Variants in NHLRC2 observed in about 807,000 individuals in gnomAD.
The protein encoded by NHLRC2 is NHL repeat containing 2.
NHLRC2 carries 33 observed loss-of-function variants against 68.1 expected under a neutral mutation model. The ratio of observed to expected loss-of-function variants is 0.48; its 90% CI spans 0.37 to 0.65. NHLRC2 has a LOEUF of 0.65. Among genes scored for constraint, NHLRC2 ranks in the 30% least tolerant of loss-of-function variants. The pLI, the probability that NHLRC2 is intolerant of heterozygous loss-of-function variation, is 0.00. For synonymous variants in NHLRC2, 311 were observed against 309.6 expected (o/e 1.00, Z -0.05); for missense variants, 761 against 853.8 (o/e 0.89, Z 1.35).
rs1345444290 is a variant in NHLRC2, at chr10:113,917,102, A to G, written c.*8566A>G. 6.6e-6 allele frequency: 1 copy of G among 152,206 alleles called. No individual in the cohort carries two copies. Among genetic ancestry groups the G allele is most frequent in the East Asian group, 1.9e-4 (1 of 5,198 alleles). 9.4% of individuals were successfully genotyped at this position (152,206 alleles called of 1,614,324 possible). ...ATACAAGTGATCATAGAAGGTGAGA[A>G]TGTGTTTATACTGTATATGGAAACC... On this transcript the variant is annotated 3_prime_UTR_variant, in exon 11 of 11. Coordinates refer to ENST00000369301, the MANE Select transcript of NHLRC2 (RefSeq NM_198514.4).
At chr10:113,896,057 C>T (rs1331302324) in intron 5 of NHLRC2, among the ~76,000 whole-genome samples, 1 of 152,104 alleles carries the variant, frequency 6.6e-6, no homozygotes, top group Non-Finnish European at 1.5e-5. Flanking sequence ...AACACTTTTA[C>T]ACTGTTGGTG....
Position 113,854,743 on chromosome 10 carries a change from G to C in NHLRC2, c.-130G>C, listed in dbSNP as rs1218320144. On this transcript the variant is annotated 5_prime_UTR_variant, in exon 1 of 11. Coordinates refer to ENST00000369301, the MANE Select transcript of NHLRC2 (RefSeq NM_198514.4). ...GCTTTAAAAAGAAAAAAGTGTCATT[G>C]GCGTGGAGTGGGGCTAGTGGAGGGT... is the stretch of plus-strand genomic sequence containing the variant. 1 of 681,336 alleles carries C rather than the reference G, an allele frequency of 1.5e-6. No individual in the cohort carries two copies. The highest frequency in any genetic ancestry group is 2.4e-6 in the Non-Finnish European group (1 of 416,182). The allele number at this position is 681,336 out of a possible 1,614,324, so 42.2% of individuals were successfully genotyped here.
intron 2 of NHLRC2, among the ~76,000 whole-genome samples, chr10:113,875,060 CT>C (rs1030889277): frequency 6.6e-6 from 1 of 151,492 alleles, no homozygotes; most frequent in Non-Finnish European, 1.5e-5. Context: ...TTTTTGCCCC[CT>C]ACCTTGATAA....
chr10:113,901,819 T>C lies in NHLRC2; in HGVS notation c.1293T>C (p.Ser431=), dbSNP rs748866217. 3 of 1,614,124 alleles carry C rather than the reference T, an allele frequency of 1.9e-6. No homozygotes were observed. Among genetic ancestry groups the C allele is most frequent in the Non-Finnish European group, 2.5e-6 (3 of 1,179,998 alleles). Residue 431 remains serine (S), a synonymous_variant, in exon 7 of 11, where the codon AGT becomes AGC. Transcript: ENST00000369301. ...GGAGCTGCTTGTTTGTAGCAGATAG[T>C]GAGAGCAGTACAGTGAGAACCGTTT... ...DPWSCLFVAD[S]ESSTVRTVSL... is the part of the protein sequence containing the mutation.
At chr10:113,904,059 A>G (rs1846252186) in intron 9 of NHLRC2, among the ~76,000 whole-genome samples, 3 of 149,912 alleles carry the variant, frequency 2.0e-5, no homozygotes, top group African/African-American at 7.3e-5. Context: ...CACTACATAC[A>G]CCTGCTCTGT....
rs1472038403 is a variant in NHLRC2 at position 113,908,461 on chromosome 10, G to T, written c.2106G>T (p.Leu702Phe). The stretch of plus-strand genomic sequence containing the variant: ...GTGCTTGTATGATGAAGGCAATTTT[G>T]TTCAGTCAGCCTTTACAAATAACGG... ...DSSACMMKAILFSQPLQITDT... is the reference protein window; with the variant it reads ...DSSACMMKAIFFSQPLQITDT... The change falls in exon 11 of 11, where the codon TTG becomes TTT. Residue 702 changes from leucine (L) to phenylalanine (F), a missense_variant. Transcript: ENST00000369301. 1 of 1,613,958 alleles carries T rather than the reference G, an allele frequency of 6.2e-7. No homozygotes were observed. Among genetic ancestry groups the T allele is most frequent in the Non-Finnish European group, 8.5e-7 (1 of 1,179,872 alleles).
rs549235027 is a variant in NHLRC2, at chr10:113,903,857, T to A, written c.1704+121T>A. On this transcript the variant is annotated intron_variant, in intron 9 of 10. Transcript: ENST00000369301. ...TCCAGGAGAGTATTAAGTGGATGCT[T>A]CTGTTGTATTCTTTGACAAAGAGAC... 3.4e-4 allele frequency: 221 copies of A among 643,630 alleles called. 3 individuals are homozygous for A. Among genetic ancestry groups the A allele is most frequent in the South Asian group, 3.3e-3 (190 of 56,778 alleles). 39.9% of individuals were successfully genotyped at this position (643,630 alleles called of 1,614,324 possible). A position where few individuals can be genotyped will look rare whatever the true frequency, so the allele number is the denominator to read the frequency against.
At position 113,903,616 on chromosome 10, in the gene NHLRC2, G is replaced by A; in HGVS notation, c.1584G>A (p.Glu528=). 6.2e-7 allele frequency: 1 copy of A among 1,610,714 alleles called. No individual in the cohort carries two copies. The change falls in exon 9 of 11, where the codon GAG becomes GAA. Residue 528 remains glutamate, a synonymous_variant. Coordinates refer to ENST00000369301, the MANE Select transcript of NHLRC2 (RefSeq NM_198514.4). ...TNNVTSSSFT[E]STFNEPGGLC... ...ATGTTACCAGTTCCAGTTTTACAGAGTCAACTTTTAATGAACCAGGAGGCT... is the reference window on the plus strand; with the variant it reads ...ATGTTACCAGTTCCAGTTTTACAGAATCAACTTTTAATGAACCAGGAGGCT...
At chr10:113,864,013 G>A (rs1845840455) in intron 2 of NHLRC2, among the ~76,000 whole-genome samples, 2 of 152,196 alleles carry the variant, frequency 1.3e-5, no homozygotes, top group Non-Finnish European at 2.9e-5. Context: ...CGTGGGTGAG[G>A]AAAATGTGGT....
chr10:113,890,663 ATTC>A (rs759808846), intron 5 of NHLRC2, among the ~76,000 whole-genome samples: 11 of 151,702 alleles, frequency 7.3e-5, no homozygotes, highest in Non-Finnish European at 1.2e-4. Flanking sequence ...CTTTTTATTC[ATTC>A]TTCTTATTTT....
intron 5 of NHLRC2, among the ~76,000 whole-genome samples, chr10:113,888,684 A>G (rs1846103950): frequency 6.6e-6 from 1 of 152,208 alleles, no homozygotes; most frequent in African/African-American, 2.4e-5. Context: ...TGCACCAAAA[A>G]TAATTACTAC....
intron 8 of NHLRC2, 40 bp downstream of exon 8, chr10:113,902,633 G>A (rs534446298): frequency 2.5e-6 from 4 of 1,575,072 alleles, no homozygotes; most frequent in Non-Finnish European, 3.5e-6. Flanking sequence ...TGCTTTTTGT[G>A]TGTGGCATTT....
intron 1 of NHLRC2, among the ~76,000 whole-genome samples, chr10:113,857,794 G>A (rs1471854022): frequency 6.6e-6 from 1 of 152,010 alleles, no homozygotes; most frequent in African/African-American, 2.4e-5. Context: ...AATAATAAGT[G>A]TATTTTGCTT....
chr10:113,870,522 A>AT (rs1361707342), intron 2 of NHLRC2, among the ~76,000 whole-genome samples: 1 of 152,222 alleles, frequency 6.6e-6, no homozygotes. Flanking sequence ...TGTGTGCCAT[A>AT]ACTCATTCAG....
In NHLRC2 at chr10:113,879,642, A is replaced by G. The variant is rs752417969; in HGVS notation, c.856A>G (p.Ile286Val). Residue 286 changes from isoleucine to valine, a missense_variant, in exon 4 of 11, where the codon ATA becomes GTA. Physicochemically the swap from Ile to Val is conservative, Grantham distance 29 (BLOSUM62 3). Transcript: ENST00000369301. ...STFNSPQGVA[I>V]MNNIIYVADT... ...TTTTAATTCTCCACAGGGTGTAGCC[A>G]TAATGAATAATATCATATATGTGGC... 2 of 1,563,018 alleles carry G rather than the reference A, an allele frequency of 1.3e-6. No individual in the cohort carries two copies. The highest frequency in any genetic ancestry group is 1.1e-5 in the South Asian group (1 of 87,612).
intron 1 of NHLRC2, among the ~76,000 whole-genome samples, chr10:113,855,281 C>T (rs959353761): frequency 2.0e-5 from 3 of 152,218 alleles, no homozygotes; most frequent in Non-Finnish European, 4.4e-5. Context: ...GTCTGTGTAT[C>T]CTGAGTTCCG....
intron 2 of NHLRC2, among the ~76,000 whole-genome samples, chr10:113,866,984 A>G (rs1845873579): frequency 6.6e-6 from 1 of 152,130 alleles, no homozygotes; most frequent in Non-Finnish European, 1.5e-5. Flanking sequence ...GTGACAGCAC[A>G]TTTGGGATGT....
At chr10:113,855,316 G>C (rs538430530) in intron 1 of NHLRC2, among the ~76,000 whole-genome samples, 1 of 152,310 alleles carries the variant, frequency 6.6e-6, no homozygotes, top group South Asian at 2.1e-4. Context: ...TAGCCAAGTG[G>C]ACACTCCGTG....
chr10:113,874,860 C>G (rs2134704404), intron 2 of NHLRC2, among the ~76,000 whole-genome samples: 1 of 152,060 alleles, frequency 6.6e-6, no homozygotes, highest in Admixed American at 6.6e-5. Context: ...ATCCAGTGAA[C>G]TTGTGGTATT....
Sources: allele counts gnomAD v4.1 joint callset (sites outside exome capture counted in the v4.1 genomes callset), GRCh38; gene constraint gnomAD v4.1.1; transcripts MANE v1.5; gene names NCBI Gene and HGNC (gene_info 2026-07-23, HGNC 2026-07-21).